EYS: variants seen among roughly 807,000 people sequenced by gnomAD.
EYS encodes EGF-like photoreceptor maintenance factor.
EYS carries 250 observed loss-of-function variants against 282.1 expected under a neutral mutation model. The ratio of observed to expected loss-of-function variants is 0.89; its 90% CI spans 0.80 to 0.98. The LOEUF is 0.98. Among genes scored for constraint, EYS ranks in the 50% least tolerant of loss-of-function variants. The pLI is 0.00. For missense variants in EYS, 4,016 were observed against 3,709.0 expected (o/e 1.08, Z -2.15); for synonymous variants, 1,355 against 1,282.9 (o/e 1.06, Z -1.20).
At chr6:63,962,840 C>T (rs757731743) in intron 35 of EYS, among the ~76,000 whole-genome samples, 1 of 152,064 alleles carries the variant, frequency 6.6e-6, no homozygotes, top group Non-Finnish European at 1.5e-5. Flanking sequence ...TTCACGATAG[C>T]AAAGACTTGG....
chr6:65,600,048 A>C (rs2149789574), intron 2 of EYS, among the ~76,000 whole-genome samples: 1 of 152,200 alleles, frequency 6.6e-6, no homozygotes, highest in South Asian at 2.1e-4. Context: ...ATCTTCATCA[A>C]GTGGAAGGTT....
intron 14 of EYS, among the ~76,000 whole-genome samples, chr6:64,948,250 T>C (rs949604486): frequency 6.6e-6 from 1 of 151,266 alleles, no homozygotes; most frequent in Admixed American, 6.6e-5. Flanking sequence ...CAACTAAAAA[T>C]AACCCAGAGT....
intron 2 of EYS, among the ~76,000 whole-genome samples, chr6:65,553,426 G>C (rs576478202): frequency 6.6e-6 from 1 of 152,206 alleles, no homozygotes; most frequent in African/African-American, 2.4e-5. Context: ...GCTATGTCCA[G>C]CATCTAAAAC....
chr6:64,300,669 T>A (rs1252001918), intron 30 of EYS, among the ~76,000 whole-genome samples: 1 of 152,166 alleles, frequency 6.6e-6, no homozygotes, highest in Non-Finnish European at 1.5e-5. Context: ...AAATGAAGGT[T>A]TTGCATGACC....
At chr6:64,299,633 A>G (rs1459019104) in intron 30 of EYS, among the ~76,000 whole-genome samples, 1 of 152,244 alleles carries the variant, frequency 6.6e-6, no homozygotes, top group East Asian at 1.9e-4. Context: ...GACAACAGTT[A>G]TCAGCTCAAC....
chr6:64,241,894 T>C (rs1056421982), intron 30 of EYS, among the ~76,000 whole-genome samples: 1 of 152,180 alleles, frequency 6.6e-6, no homozygotes, highest in African/African-American at 2.4e-5. Context: ...GTACATTTTG[T>C]CTTAGGACAT....
chr6:64,498,572 G>A (rs1401048094), intron 26 of EYS, among the ~76,000 whole-genome samples: 1 of 151,828 alleles, frequency 6.6e-6, no homozygotes, highest in African/African-American at 2.4e-5. Context: ...CATCATCTAG[G>A]TTTTAGGCCC....
chr6:65,197,586 G>C (rs932873514), intron 12 of EYS, among the ~76,000 whole-genome samples: 1 of 152,068 alleles, frequency 6.6e-6, no homozygotes, highest in Non-Finnish European at 1.5e-5. Context: ...CACTTAACAA[G>C]GGGGTATGTT....
chr6:64,405,478 G>A (rs1030722633), intron 28 of EYS, among the ~76,000 whole-genome samples: 12 of 152,036 alleles, frequency 7.9e-5, no homozygotes, highest in South Asian at 4.1e-4. Flanking sequence ...GTTCTGGCCC[G>A]GCAATCAAGC....
chr6:64,029,118 G>A (rs1289928833), intron 33 of EYS, among the ~76,000 whole-genome samples: 2 of 152,176 alleles, frequency 1.3e-5, no homozygotes, highest in Non-Finnish European at 2.9e-5. Flanking sequence ...ATGGGAACCA[G>A]AGGCAGAAAC....
intron 31 of EYS, among the ~76,000 whole-genome samples, chr6:64,155,019 G>A (rs925206101): frequency 6.6e-6 from 1 of 152,140 alleles, no homozygotes; most frequent in Non-Finnish European, 1.5e-5. Flanking sequence ...GCTAAAGTTT[G>A]GTGTGCTTTC....
chr6:64,855,159 T>G (rs1766017039), intron 19 of EYS, among the ~76,000 whole-genome samples: 1 of 151,994 alleles, frequency 6.6e-6, no homozygotes. Flanking sequence ...CCCCACCGCG[T>G]TTGTGTGTGT....
intron 12 of EYS, among the ~76,000 whole-genome samples, chr6:65,132,438 T>C (rs1775904274): frequency 6.6e-6 from 1 of 151,926 alleles, no homozygotes; most frequent in African/African-American, 2.4e-5. Context: ...ATTAATCATA[T>C]ACACAAAAAT....
At chr6:64,965,611 C>T (rs925685548) in intron 14 of EYS, among the ~76,000 whole-genome samples, 3 of 151,974 alleles carry the variant, frequency 2.0e-5, no homozygotes, top group Non-Finnish European at 2.9e-5. Context: ...TGAGTACCCC[C>T]ATGAGTTTTA....
In EYS at chr6:64,912,762, AT is replaced by A; in HGVS notation, c.2382-20del. On this transcript the variant is annotated intron_variant, in intron 15 of 42. Transcript: ENST00000503581. Reference sequence around the variant, plus strand: ...CTCACATCTGAAATAAAATATTAAAATTTTTAGAAGTGTGAACTCTTTTTCA... The same window carrying A: ...CTCACATCTGAAATAAAATATTAAAATTTTAGAAGTGTGAACTCTTTTTCA... The A allele has an allele frequency of 2.3e-6, 3 of 1,318,668 alleles. No individual in the cohort carries two copies. Among genetic ancestry groups the A allele is most frequent in the Non-Finnish European group, 2.9e-6 (3 of 1,022,428 alleles). 81.7% of individuals were successfully genotyped at this position (1,318,668 alleles called of 1,614,324 possible).
At chr6:65,028,876 T>C (rs142171847) in intron 13 of EYS, among the ~76,000 whole-genome samples, 1 of 152,242 alleles carries the variant, frequency 6.6e-6, no homozygotes, top group African/African-American at 2.4e-5. Flanking sequence ...CTTTCATGTA[T>C]ATGTTGATTT....
intron 26 of EYS, among the ~76,000 whole-genome samples, chr6:64,563,440 T>C (rs1016990055): frequency 1.3e-5 from 2 of 152,098 alleles, no homozygotes; most frequent in African/African-American, 4.8e-5. Flanking sequence ...AGAAATCTCA[T>C]GTATTCAAAA....
chr6:65,704,817 C>A (rs948218717), intron 1 of EYS, among the ~76,000 whole-genome samples: 16 of 152,214 alleles, frequency 1.1e-4, no homozygotes, highest in African/African-American at 3.4e-4. Context: ...CACTCACTCT[C>A]TGAGTTCTCT....
At chr6:65,083,459 A>G (rs1242762656) in intron 12 of EYS, among the ~76,000 whole-genome samples, 1 of 152,006 alleles carries the variant, frequency 6.6e-6, no homozygotes, top group Non-Finnish European at 1.5e-5. Context: ...TACATTTAGA[A>G]TTATTGTTAG....
Sources: gnomAD v4.1 joint callset for allele counts (sites outside exome capture counted in the v4.1 genomes callset) on GRCh38, gnomAD v4.1.1 for gene constraint, MANE v1.5 for transcripts, NCBI Gene and HGNC (gene_info 2026-07-23, HGNC 2026-07-21) for gene names.